PRMT1: variants seen among roughly 807,000 people sequenced by gnomAD.
The protein encoded by PRMT1 is protein arginine N-methyltransferase 1.
A neutral mutation model predicts 47.4 loss-of-function variants in PRMT1; 5 were observed. The ratio of observed to expected loss-of-function variants is 0.11; its 90% CI spans 0.06 to 0.22. The LOEUF is 0.22. PRMT1 is among the 10% of genes least tolerant of loss of function. The pLI is 1.00. For synonymous variants in PRMT1, 227 were observed against 204.6 expected, an observed-to-expected ratio of 1.11 and a Z score of -0.94; for missense variants, 249 against 518.4, an observed-to-expected ratio of 0.48 and a Z score of 5.05.
Position 49,680,471 on chromosome 19 carries a change from A to G in PRMT1, c.91-16A>G. On this transcript the variant is annotated splice_polypyrimidine_tract_variant and intron_variant, in intron 2 of 10. Coordinates refer to ENST00000454376, the MANE Select transcript of PRMT1 (RefSeq NM_001536.6). The surrounding 1 kb of genome is among the most constrained non-coding windows in gnomAD (Gnocchi z 4.2). ...GCCCCCAGATCTGACCCATGATCCCATCGGCCCCCTCCCAGGTGTCCTGTG... is the reference window on the plus strand; with the variant it reads ...GCCCCCAGATCTGACCCATGATCCCGTCGGCCCCCTCCCAGGTGTCCTGTG... 6.2e-7 allele frequency: 1 copy of G among 1,602,026 alleles called. No individual in the cohort carries two copies. The highest frequency in any genetic ancestry group is 8.6e-7 in the Non-Finnish European group (1 of 1,169,080).
At position 49,686,254 on chromosome 19, in the gene PRMT1, G is replaced by A. The variant is rs1039897071; in HGVS notation, c.910+11G>A. The A allele has an allele frequency of 6.3e-7, 1 of 1,583,656 alleles. No individual in the cohort carries two copies. Among genetic ancestry groups the A allele is most frequent in the Non-Finnish European group, 8.6e-7 (1 of 1,165,422 alleles). On this transcript the variant is annotated intron_variant, in intron 9 of 10. Coordinates refer to ENST00000454376, the MANE Select transcript of PRMT1 (RefSeq NM_001536.6). The stretch of plus-strand genomic sequence containing the variant: ...CCGGCTTCTCCACCAGTGAGGCGGG[G>A]CCCACAGGGCTGGGGGCCGTTCCCG...
In PRMT1 at chr19:49,688,154, C is replaced by T. The variant is rs752458815; in HGVS notation, c.1033-8C>T. ...GGTTCCGCCCTCATGCCCCACCTCTCCCTGCAGCGGGACCTGGACTTCACC... is the reference window on the plus strand; with the variant it reads ...GGTTCCGCCCTCATGCCCCACCTCTTCCTGCAGCGGGACCTGGACTTCACC... On this transcript the variant is annotated splice_polypyrimidine_tract_variant and splice_region_variant and intron_variant, in intron 10 of 10. Transcript: ENST00000454376. The surrounding 1 kb of genome is among the most constrained non-coding windows in gnomAD (Gnocchi z 5.3). 1.2e-6 allele frequency: 2 copies of T among 1,613,868 alleles called. No individual in the cohort carries two copies. Among genetic ancestry groups the T allele is most frequent in the South Asian group, 1.1e-5 (1 of 91,086 alleles).
At position 49,681,633 on chromosome 19, in the gene PRMT1, G is replaced by A. The variant is rs886854326; in HGVS notation, c.193-277G>A. Among the ~76,000 whole-genome samples, 4 of 152,106 alleles carry A rather than the reference G, an allele frequency of 2.6e-5. No homozygotes were observed. Among genetic ancestry groups the A allele is most frequent in the Admixed American group, 1.3e-4 (2 of 15,278 alleles). On this transcript the variant is annotated intron_variant, in intron 3 of 10. Coordinates refer to ENST00000454376, the MANE Select transcript of PRMT1 (RefSeq NM_001536.6). This position sits in a 1 kb window ranked among gnomAD's most constrained non-coding sequence, Gnocchi z 4.4. ...TGCACCTATAATCTCAGCTACTTGG[G>A]AGGCTGAGGCAGGAGAATCACTTGA...
At chr19:49,679,556 G>A (rs1414148729) in intron 1 of PRMT1, 6 of 649,100 alleles carry the variant, frequency 9.2e-6, no homozygotes, top group South Asian at 3.0e-5. Flanking sequence ...GACAGCTGGC[G>A]GTGGTGGGTG....
chr19:49,686,956 G>A (rs962425872), intron 10 of PRMT1, among the ~76,000 whole-genome samples: 2 of 152,164 alleles, frequency 1.3e-5, no homozygotes, highest in African/African-American at 4.8e-5. Flanking sequence ...TTCACCGGAA[G>A]TTATGGGCCT....
intron 5 of PRMT1, 28 bp from the exon 6 acceptor site, chr19:49,683,899 T>G: frequency 6.2e-7 from 1 of 1,601,074 alleles, no homozygotes; most frequent in Non-Finnish European, 8.5e-7. Flanking sequence ...TCCCGGGGGC[T>G]GACGTGGCCA....
chr19:49,684,822 C>T lies in PRMT1; in HGVS notation c.624C>T (p.Tyr208=), dbSNP rs955769019. 3.7e-6 allele frequency: 6 copies of T among 1,608,060 alleles called. No homozygotes were observed. Among genetic ancestry groups the T allele is most frequent in the Admixed American group, 1.7e-5 (1 of 58,690 alleles). The change falls in exon 7 of 11, where the codon TAC becomes TAT. Residue 208 remains tyrosine, a synonymous_variant. Coordinates refer to ENST00000454376, the MANE Select transcript of PRMT1 (RefSeq NM_001536.6). The surrounding 1 kb of genome is among the most constrained non-coding windows in gnomAD (Gnocchi z 6.2). The part of the protein sequence containing the change: ...LYVTAIEDRQ[Y]KDYKIHWWEN... ...TGACGGCCATCGAGGACCGGCAGTA[C>T]AAAGACTACAAGATCCACTGTGAGC...
chr19:49,682,511 G>T (rs142725353), intron 5 of PRMT1, among the ~76,000 whole-genome samples: 1 of 152,172 alleles, frequency 6.6e-6, no homozygotes, highest in African/African-American at 2.4e-5. Flanking sequence ...GGTTGGCCAC[G>T]GAAGGCCCAC....
chr19:49,682,739 C>T (rs79327580), intron 5 of PRMT1, among the ~76,000 whole-genome samples: 1,569 of 151,828 alleles, frequency 0.01, 16 homozygotes, highest in Non-Finnish European at 0.018. Flanking sequence ...TTGCGGCATC[C>T]GCTCTTTTGC....
rs1454086490 is a variant in PRMT1 at position 49,684,169 on chromosome 19, G to A, written c.555+100G>A. ...TTCCCACAGACGGGACTTACTGTGGGGGCTTAGCTGCAAGGTGTTAGAAAG... is the reference window on the plus strand; with the variant it reads ...TTCCCACAGACGGGACTTACTGTGGAGGCTTAGCTGCAAGGTGTTAGAAAG... On this transcript the variant is annotated intron_variant, in intron 6 of 10. Transcript: ENST00000454376. The surrounding 1 kb of genome is among the most constrained non-coding windows in gnomAD (Gnocchi z 6.2). 2 of 1,495,424 alleles carry A rather than the reference G, an allele frequency of 1.3e-6. No homozygotes were observed. Among genetic ancestry groups the A allele is most frequent in the Non-Finnish European group, 1.8e-6 (2 of 1,092,888 alleles). 92.6% of individuals were successfully genotyped at this position (1,495,424 alleles called of 1,614,324 possible).
rs1599946814 is a variant in PRMT1, at chr19:49,684,080, A to C, written c.555+11A>C. ...CGGGACAAGTGGCTGGTGAGGCCCC[A>C]GCGGGACGGGTGCAGCTCGCGTGGG... On this transcript the variant is annotated intron_variant, in intron 6 of 10. Transcript: ENST00000454376. The surrounding 1 kb of genome is among the most constrained non-coding windows in gnomAD (Gnocchi z 6.2). 6.2e-7 allele frequency: 1 copy of C among 1,614,006 alleles called. No homozygotes were observed. The highest frequency in any genetic ancestry group is 8.5e-7 in the Non-Finnish European group (1 of 1,179,906).
At chr19:49,677,009 C>G (rs975484), upstream of PRMT1, 113,738 of 380,340 alleles carry the variant, frequency 0.3, 19,951 homozygotes, top group African/African-American at 0.59. Context: ...AGTCGCGCTT[C>G]TTGCAATAGA....
chr19:49,687,173 G>A (rs2123016713), intron 10 of PRMT1, among the ~76,000 whole-genome samples: 1 of 152,214 alleles, frequency 6.6e-6, no homozygotes, highest in Non-Finnish European at 1.5e-5. Context: ...AGAGGAGAAA[G>A]GCAGCTTTTT....
chr19:49,679,967 A>G, intron 2 of PRMT1, 42 bp downstream of exon 2: 1 of 1,550,260 alleles, frequency 6.5e-7, no homozygotes. Context: ...CCTGACCTCC[A>G]CATCAATATA....
In PRMT1 at chr19:49,681,810, G is replaced by T; in HGVS notation, c.193-100G>T. The T allele has an allele frequency of 8.7e-7, 1 of 1,144,500 alleles. No individual in the cohort carries two copies. The highest frequency in any genetic ancestry group is 1.2e-6 in the Non-Finnish European group (1 of 839,928). 70.9% of individuals were successfully genotyped at this position (1,144,500 alleles called of 1,614,324 possible). A position where few individuals can be genotyped will look rare whatever the true frequency, so the allele number is the denominator to read the frequency against. On this transcript the variant is annotated intron_variant, in intron 3 of 10. Transcript: ENST00000454376. The surrounding 1 kb of genome is among the most constrained non-coding windows in gnomAD (Gnocchi z 4.4). Reference sequence around the variant, plus strand: ...GAAACTGAGGTGCATGGAAGAAAGCGAGAGGGCCGAGCTCTGGCCCTCCGA... The same window carrying T: ...GAAACTGAGGTGCATGGAAGAAAGCTAGAGGGCCGAGCTCTGGCCCTCCGA...
chr19:49,686,693 C>T lies in PRMT1; in HGVS notation c.999C>T (p.Gly333=), dbSNP rs2082210769. Residue 333 remains glycine (G), a synonymous_variant, in exon 10 of 11, where the codon GGC becomes GGT. Transcript: ENST00000454376. The part of the protein sequence containing the change: ...LTVKTGEEIF[G]TIGMRPNAKN... ...TGAAGACGGGCGAGGAGATCTTCGG[C>T]ACCATCGGCATGCGGCCCAACGCCA... 1 of 1,612,332 alleles carries T rather than the reference C, an allele frequency of 6.2e-7. No individual in the cohort carries two copies. The highest frequency in any genetic ancestry group is 1.3e-5 in the African/African-American group (1 of 74,628).
chr19:49,677,971 G>T (rs2082062019), intron 1 of PRMT1, among the ~76,000 whole-genome samples: 1 of 152,074 alleles, frequency 6.6e-6, no homozygotes, highest in South Asian at 2.1e-4. Context: ...TCTCCCCCTC[G>T]CCCAGGGCTT....
chr19:49,677,480 C>G, intron 1 of PRMT1, 164 bp downstream of exon 1: 1 of 515,632 alleles, frequency 1.9e-6, no homozygotes. Flanking sequence ...TTTGAGGTGA[C>G]GGCTCCCTAG....
rs2082173229 is a variant in PRMT1, at chr19:49,684,425, G to A, written c.556-329G>A. 6.6e-6 allele frequency among the ~76,000 whole-genome samples: 1 copy of A among 152,194 alleles called. No homozygotes were observed. Among genetic ancestry groups the A allele is most frequent in the East Asian group, 1.9e-4 (1 of 5,154 alleles). The stretch of plus-strand genomic sequence containing the variant: ...GCAGGGAGGCCCGTGTGGAAGGAGG[G>A]TCTAGAACGGCAGCAGGAGGAGGAG... On this transcript the variant is annotated intron_variant, in intron 6 of 10. Coordinates refer to ENST00000454376, the MANE Select transcript of PRMT1 (RefSeq NM_001536.6). This position sits in a 1 kb window ranked among gnomAD's most constrained non-coding sequence, Gnocchi z 6.2.
Sources: gnomAD v4.1 joint callset for allele counts (sites outside exome capture counted in the v4.1 genomes callset) on GRCh38, gnomAD v4.1.1 for gene constraint, Gnocchi (gnomAD v3.1) non-coding constraint, MANE v1.5 for transcripts, NCBI Gene and HGNC (gene_info 2026-07-23, HGNC 2026-07-21) for gene names.